Variants in SYT1 observed in about 807,000 individuals in gnomAD.
SYT1 encodes synaptotagmin-1.
SYT1 carries 8 observed loss-of-function variants against 44.8 expected under a neutral mutation model. That is an observed-to-expected ratio of 0.18 (90% CI 0.10 to 0.32). SYT1 has a LOEUF of 0.32. Ranked by LOEUF, SYT1 falls within the 10% of genes least tolerant of loss-of-function variation. The probability of loss-of-function intolerance (pLI) is 1.00; values close to 1 mark genes in which losing one functional copy is unlikely to be tolerated. For synonymous variants in SYT1, 154 were observed against 188.8 expected (o/e 0.82, Z 1.51); for missense variants, 286 against 509.3 (o/e 0.56, Z 4.22).
chr12:79,285,213 A>G (rs1879249398), intron 4 of SYT1, among the ~76,000 whole-genome samples: 1 of 152,230 alleles, frequency 6.6e-6, no homozygotes, highest in African/African-American at 2.4e-5. Flanking sequence ...CTATATATAC[A>G]ACTAATATCT....
intron 3 of SYT1, among the ~76,000 whole-genome samples, chr12:79,090,408 C>A (rs1260068514): frequency 6.6e-6 from 1 of 151,874 alleles, no homozygotes; most frequent in Non-Finnish European, 1.5e-5. Context: ...TCTTTCGTAT[C>A]TTCCCTCAAT....
At chr12:79,265,191 T>C (rs1878057116) in intron 4 of SYT1, among the ~76,000 whole-genome samples, 1 of 152,168 alleles carries the variant, frequency 6.6e-6, no homozygotes, top group Admixed American at 6.6e-5. Flanking sequence ...TAAATCTATA[T>C]ATTATCACAA....
chr12:79,415,710 T>C (rs957452838), intron 9 of SYT1, among the ~76,000 whole-genome samples: 2 of 152,218 alleles, frequency 1.3e-5, no homozygotes, highest in African/African-American at 4.8e-5. Flanking sequence ...AGGGAACCTA[T>C]AACATAATTC....
At chr12:78,920,872 G>C (rs1437040979) in intron 1 of SYT1, among the ~76,000 whole-genome samples, 3 of 151,828 alleles carry the variant, frequency 2.0e-5, no homozygotes, top group African/African-American at 7.3e-5. Context: ...AGATTAGCAG[G>C]TTTGTTCAAG....
At chr12:79,407,112 C>G (rs1472477592) in intron 9 of SYT1, among the ~76,000 whole-genome samples, 1 of 152,038 alleles carries the variant, frequency 6.6e-6, no homozygotes, top group Non-Finnish European at 1.5e-5. Context: ...TTAGCACAGG[C>G]CCTGACAAAT....
intron 4 of SYT1, among the ~76,000 whole-genome samples, chr12:79,258,982 A>G (rs972071285): frequency 6.6e-6 from 1 of 152,228 alleles, no homozygotes; most frequent in Admixed American, 6.5e-5. Flanking sequence ...AGAAAGAGTT[A>G]ACTTGCTAAG....
chr12:79,396,263 C>G (rs1338355085), intron 9 of SYT1, among the ~76,000 whole-genome samples: 1 of 151,886 alleles, frequency 6.6e-6, no homozygotes, highest in Non-Finnish European at 1.5e-5. Flanking sequence ...CATGTCTGCC[C>G]TAAACTGAAA....
At chr12:78,931,238 A>AGAAGGAAAGAAG (rs1877668139) in intron 1 of SYT1, among the ~76,000 whole-genome samples, 2 of 41,120 alleles carry the variant, frequency 4.9e-5, no homozygotes, top group Non-Finnish European at 8.5e-5. Context: ...AAAGAAAGAA[A>AGAAGGAAAGAAG]GAAGGAAGGA....
chr12:79,440,441 A>G (rs1230110893), intron 9 of SYT1, among the ~76,000 whole-genome samples: 1 of 152,174 alleles, frequency 6.6e-6, no homozygotes, highest in East Asian at 1.9e-4. Flanking sequence ...GAATGAATCC[A>G]TACAGTTACA....
chr12:79,144,483 T>G (rs1385239698), intron 3 of SYT1, among the ~76,000 whole-genome samples: 1 of 152,118 alleles, frequency 6.6e-6, no homozygotes, highest in Non-Finnish European at 1.5e-5. Flanking sequence ...TGATTTTCTG[T>G]GCAAGGACCC....
intron 8 of SYT1, among the ~76,000 whole-genome samples, chr12:79,351,417 GTTAT>G (rs949903270): frequency 1.3e-5 from 2 of 151,992 alleles, no homozygotes; most frequent in African/African-American, 4.8e-5. Context: ...AAAGGGAGAT[GTTAT>G]TTAAGAGAGA....
At chr12:79,196,932 C>A (rs1873498135) in intron 3 of SYT1, among the ~76,000 whole-genome samples, 1 of 152,188 alleles carries the variant, frequency 6.6e-6, no homozygotes, top group Non-Finnish European at 1.5e-5. Flanking sequence ...TGCTCTTCTG[C>A]AGATAGGCGA....
At chr12:79,023,225 A>G (rs1218622096) in intron 2 of SYT1, among the ~76,000 whole-genome samples, 2 of 151,894 alleles carry the variant, frequency 1.3e-5, no homozygotes, top group Non-Finnish European at 2.9e-5. Flanking sequence ...TGAATATAAA[A>G]GAGTTGAAGT....
intron 3 of SYT1, among the ~76,000 whole-genome samples, chr12:79,092,725 T>C (rs1565802876): frequency 6.6e-6 from 1 of 151,734 alleles, no homozygotes; most frequent in Non-Finnish European, 1.5e-5. Context: ...GAAAACTATA[T>C]TCAATGGTAC....
intron 8 of SYT1, among the ~76,000 whole-genome samples, chr12:79,303,734 A>C (rs1015075833): frequency 1.3e-5 from 2 of 152,232 alleles, no homozygotes; most frequent in Non-Finnish European, 2.9e-5. Context: ...ACAGAAAAGC[A>C]TGTGAAGAAT....
intron 3 of SYT1, among the ~76,000 whole-genome samples, chr12:79,109,283 A>G (rs1254394844): frequency 6.6e-6 from 1 of 152,220 alleles, no homozygotes; most frequent in African/African-American, 2.4e-5. Flanking sequence ...ACTTTATCAT[A>G]TGCCGGATAC....
intron 9 of SYT1, among the ~76,000 whole-genome samples, chr12:79,420,942 A>G (rs2136155312): frequency 6.6e-6 from 1 of 152,270 alleles, no homozygotes; most frequent in East Asian, 1.9e-4. Context: ...GTTTAATACC[A>G]AGCTAAAGTC....
chr12:78,909,275 A>G (rs1020273475), intron 1 of SYT1, among the ~76,000 whole-genome samples: 9 of 151,914 alleles, frequency 5.9e-5, no homozygotes, highest in African/African-American at 1.9e-4. Flanking sequence ...TTTATCATCC[A>G]TTTATTTACA....
chr12:78,936,460 C>T (rs10506796), intron 1 of SYT1, among the ~76,000 whole-genome samples: 7,404 of 152,050 alleles, frequency 0.049, 221 homozygotes, highest in Admixed American at 0.083. Context: ...GTCTTTTAAG[C>T]GGCTTTTAGT....
Sources: gnomAD v4.1 joint callset for allele counts (sites outside exome capture counted in the v4.1 genomes callset) on GRCh38, gnomAD v4.1.1 for gene constraint, MANE v1.5 for transcripts, NCBI Gene and HGNC (gene_info 2026-07-23, HGNC 2026-07-21) for gene names.